The following LRP11 variants were observed in gnomAD, a reference collection of about 807,000 sequenced individuals.
LRP11 encodes the protein low-density lipoprotein receptor-related protein 11.
In LRP11, 25 loss-of-function variants were observed where a neutral mutation model predicts 43.1. The observed-to-expected ratio is 0.58, with a 90% CI of 0.42 to 0.81. The LOEUF is 0.81. Among genes scored for constraint, LRP11 ranks in the 30% least tolerant of loss-of-function variants. The pLI is 0.00. For synonymous variants in LRP11, 316 were observed against 299.4 expected, an observed-to-expected ratio of 1.06 and a Z score of -0.57; for missense variants, 623 against 665.1, an observed-to-expected ratio of 0.94 and a Z score of 0.70.
chr6:149,852,197 T>C (rs1776729718), intron 2 of LRP11, among the ~76,000 whole-genome samples: 1 of 152,192 alleles, frequency 6.6e-6, no homozygotes, highest in African/African-American at 2.4e-5. Flanking sequence ...AAAATCACTC[T>C]TACTTAAACC....
rs117493821 is a variant in LRP11 at position 149,847,018 on chromosome 6, A to G, written c.772-3894T>C. ...GAATAGAATAGAATAGAATAGAATAAACCAAGGAAGCACTGAGGCCAGGGA... is the reference window on the plus strand; with the variant it reads ...GAATAGAATAGAATAGAATAGAATAGACCAAGGAAGCACTGAGGCCAGGGA... On this transcript the variant is annotated intron_variant, in intron 2 of 6. Transcript: ENST00000239367. Among the ~76,000 whole-genome samples, 481 of 117,008 alleles carry G rather than the reference A, an allele frequency of 4.1e-3. 1 individual carries two copies. Among genetic ancestry groups the G allele is most frequent in the African/African-American group, 0.013 (408 of 32,486 alleles). The allele number at this position is 117,008 out of a possible 152,430, so 76.8% of individuals were successfully genotyped here.
intron 5 of LRP11, among the ~76,000 whole-genome samples, chr6:149,834,122 G>C (rs1389097171): frequency 6.6e-6 from 1 of 152,132 alleles, no homozygotes; most frequent in African/African-American, 2.4e-5. Flanking sequence ...GTGAGGACAT[G>C]CAGTATTTGG....
rs1776989320 is a variant in LRP11, at chr6:149,863,939, G to A, written c.82C>T (p.Leu28Phe). 19 of 1,465,646 alleles carry A rather than the reference G, an allele frequency of 1.3e-5. No homozygotes were observed. Among genetic ancestry groups the A allele is most frequent in the Non-Finnish European group, 1.6e-5 (18 of 1,115,868 alleles). The allele number at this position is 1,465,646 out of a possible 1,614,324, so 90.8% of individuals were successfully genotyped here. A position where few individuals can be genotyped will look rare whatever the true frequency, so the allele number is the denominator to read the frequency against. Reference sequence around the variant, plus strand: ...CGGCCGCTTGGCAGCCACAGGCAGAGCAGTAGCAGCCCGCGCAGCGCCCCG... The same window carrying A: ...CGGCCGCTTGGCAGCCACAGGCAGAACAGTAGCAGCCCGCGCAGCGCCCCG... ...RHGALRGLLL[L>F]CLWLPSGRAA... is the part of the protein sequence containing the mutation. The change falls in exon 1 of 7, where the codon CTC (leucine) becomes TTC (phenylalanine). Residue 28 changes from leucine to phenylalanine, a missense_variant. Physicochemically the swap from Leu to Phe is conservative, Grantham distance 22. Transcript: ENST00000239367.
rs188147877 is a variant in LRP11, at chr6:149,831,429, C to T, written c.1252+4656G>A. Among the ~76,000 whole-genome samples the T allele has an allele frequency of 2.6e-5, 4 of 152,318 alleles. No individual in the cohort carries two copies. The East Asian group carries it at 7.7e-4, about 29-fold the overall frequency. On this transcript the variant is annotated intron_variant, in intron 5 of 6. Transcript: ENST00000239367. ...AGAGGGTGGAATTGTTAATGAATGA[C>T]ATGGACCACACAGAGAACAGGCCCT...
chr6:149,848,660 A>G (rs921120383), intron 2 of LRP11, among the ~76,000 whole-genome samples: 2 of 152,164 alleles, frequency 1.3e-5, no homozygotes, highest in African/African-American at 4.8e-5. Context: ...GTTCTCACTT[A>G]TAAGTGGGAG....
In LRP11 at chr6:149,852,940, G is replaced by A; in HGVS notation, c.771+63C>T. On this transcript the variant is annotated intron_variant, in intron 2 of 6. Transcript: ENST00000239367. ...ACATTTAGGGAGCATGAAGTGGCAGGACATTACAAAAGACCACTTCACTGA... is the reference window on the plus strand; with the variant it reads ...ACATTTAGGGAGCATGAAGTGGCAGAACATTACAAAAGACCACTTCACTGA... 4.3e-6 allele frequency: 6 copies of A among 1,407,610 alleles called. No individual in the cohort carries two copies. In the South Asian group the frequency reaches 8.6e-5, roughly 20 times the overall value. The allele number at this position is 1,407,610 out of a possible 1,614,324, so 87.2% of individuals were successfully genotyped here. A position where few individuals can be genotyped will look rare whatever the true frequency, so the allele number is the denominator to read the frequency against.
intron 1 of LRP11, among the ~76,000 whole-genome samples, chr6:149,855,751 T>C (rs1259358198): frequency 1.3e-5 from 2 of 152,032 alleles, no homozygotes; most frequent in Non-Finnish European, 2.9e-5. Context: ...GCACAATTGC[T>C]TTTTACATGC....
intron 2 of LRP11, among the ~76,000 whole-genome samples, chr6:149,849,929 G>A (rs535677429): frequency 6.6e-6 from 1 of 152,284 alleles, no homozygotes; most frequent in African/African-American, 2.4e-5. Context: ...GAAAAGATGG[G>A]CCCTAGAAGC....
intron 1 of LRP11, among the ~76,000 whole-genome samples, chr6:149,854,948 G>T (rs1776776682): frequency 6.6e-6 from 1 of 152,202 alleles, no homozygotes; most frequent in African/African-American, 2.4e-5. Flanking sequence ...CAGCTGAAAT[G>T]ACTCTTCTGG....
chr6:149,855,444 A>G (rs1776783824), intron 1 of LRP11, among the ~76,000 whole-genome samples: 1 of 152,192 alleles, frequency 6.6e-6, no homozygotes, highest in African/African-American at 2.4e-5. Context: ...GTTGAATTGA[A>G]TGTAAATAAA....
chr6:149,846,420 AAGCTGCTCTGTCCC>A (rs1776633644), intron 2 of LRP11, among the ~76,000 whole-genome samples: 1 of 152,186 alleles, frequency 6.6e-6, no homozygotes, highest in Non-Finnish European at 1.5e-5. Context: ...TGACACAAGA[AAGCTGCTCTGTCCC>A]AGCTGCTCCG....
Position 149,819,243 on chromosome 6 carries a change from C to A in LRP11, c.*1306G>T, listed in dbSNP as rs1776247479. On this transcript the variant is annotated 3_prime_UTR_variant, in exon 7 of 7. Coordinates refer to ENST00000239367, the MANE Select transcript of LRP11 (RefSeq NM_032832.6). ...AAGAACAACCTACTTTAGGTTCAGT[C>A]TAAAAATAAAGCGTACTAGATTCTG... 6.6e-6 allele frequency: 1 copy of A among 152,030 alleles called. No homozygotes were observed. The highest frequency in any genetic ancestry group is 1.5e-5 in the Non-Finnish European group (1 of 68,004). 9.4% of individuals were successfully genotyped at this position (152,030 alleles called of 1,614,324 possible). A position where few individuals can be genotyped will look rare whatever the true frequency, so the allele number is the denominator to read the frequency against.
chr6:149,843,141 A>T lies in LRP11; in HGVS notation c.772-17T>A, dbSNP rs1776576613. 7 of 1,613,926 alleles carry T rather than the reference A, an allele frequency of 4.3e-6. No homozygotes were observed. The East Asian group carries it at 1.6e-4, about 36-fold the overall frequency. ...TTGAGGCACCTGCCACACAGATGGG[A>T]CACATCACGTCGAGCAGCAGACTTG... On this transcript the variant is annotated splice_polypyrimidine_tract_variant and intron_variant, in intron 2 of 6. Coordinates refer to ENST00000239367, the MANE Select transcript of LRP11 (RefSeq NM_032832.6).
At position 149,847,824 on chromosome 6, in the gene LRP11, T is replaced by TACACACACAC. The variant is rs57292379; in HGVS notation, c.772-4710_772-4701dup. 1.1e-3 allele frequency among the ~76,000 whole-genome samples: 144 copies of TACACACACAC among 131,126 alleles called. 1 individual carries two copies. Among genetic ancestry groups the TACACACACAC allele is most frequent in the African/African-American group, 2.8e-3 (97 of 34,868 alleles). The allele number at this position is 131,126 out of a possible 152,430, so 86.0% of individuals were successfully genotyped here. ...CTTCTCATATATGTCTAAACTAAAT[T>TACACACACAC]ACACACACACACACACACACACACA... On this transcript the variant is annotated intron_variant, in intron 2 of 6. Coordinates refer to ENST00000239367, the MANE Select transcript of LRP11 (RefSeq NM_032832.6).
intron 5 of LRP11, 135 bp from the exon 6 acceptor site, chr6:149,826,494 C>A: frequency 1.6e-6 from 1 of 622,692 alleles, no homozygotes; most frequent in Non-Finnish European, 2.8e-6. Flanking sequence ...TAAACAAAGG[C>A]CTATGTTTGA....
At chr6:149,833,942 GGT>G (rs1227771088) in intron 5 of LRP11, among the ~76,000 whole-genome samples, 1 of 152,080 alleles carries the variant, frequency 6.6e-6, no homozygotes, top group Non-Finnish European at 1.5e-5. Flanking sequence ...AACGTGTCAT[GGT>G]GGTTTGCTGC....
chr6:149,837,250 A>G, intron 4 of LRP11, 88 bp downstream of exon 4: 2 of 1,407,752 alleles, frequency 1.4e-6, no homozygotes, highest in South Asian at 2.7e-5. Context: ...GGGGAAGGAC[A>G]CTGTGTTTGC....
chr6:149,836,093 A>C lies in LRP11; in HGVS notation c.1244T>G (p.Val415Gly). 1 of 1,613,976 alleles carries C rather than the reference A, an allele frequency of 6.2e-7. No homozygotes were observed. Among genetic ancestry groups the C allele is most frequent in the Non-Finnish European group, 8.5e-7 (1 of 1,179,854 alleles). ...CCACCGTGAATCCTTACCTGGCATC[A>C]CAGGAATGATTTGACTCTCTGGTCC... The part of the protein sequence containing the change: ...FWGPESQIIP[V>G]MPDSSSSGKN... The change falls in exon 5 of 7, where the codon GTG becomes GGG. Residue 415 changes from valine to glycine, a missense_variant. Coordinates refer to ENST00000239367, the MANE Select transcript of LRP11 (RefSeq NM_032832.6).
chr6:149,844,749 T>A lies in LRP11; in HGVS notation c.772-1625A>T, dbSNP rs564947070. ...TGGGATTGTACTATTATAAGAACCA[T>A]CTGCTTGTTTTTAATTAGGAAATCC... On this transcript the variant is annotated intron_variant, in intron 2 of 6. Coordinates refer to ENST00000239367, the MANE Select transcript of LRP11 (RefSeq NM_032832.6). Among the ~76,000 whole-genome samples the A allele has an allele frequency of 4.6e-5, 7 of 152,372 alleles. No individual in the cohort carries two copies. In the East Asian group the frequency reaches 1.3e-3, roughly 29 times the overall value.
Sources: gnomAD v4.1 joint callset for allele counts (sites outside exome capture counted in the v4.1 genomes callset) on GRCh38, gnomAD v4.1.1 for gene constraint, MANE v1.5 for transcripts, NCBI Gene and HGNC (gene_info 2026-07-23, HGNC 2026-07-21) for gene names.